The following ADGRF3 variants were observed in gnomAD, a reference collection of about 807,000 sequenced individuals.
ADGRF3 encodes adhesion G protein-coupled receptor F3, also known as G protein-coupled receptor 113.
A neutral mutation model predicts 93.2 loss-of-function variants in ADGRF3; 85 were observed. The ratio of observed to expected loss-of-function variants is 0.91; its 90% CI spans 0.77 to 1.09. ADGRF3 has a LOEUF of 1.09. Ranked by LOEUF, ADGRF3 falls within the 50% of genes least tolerant of loss-of-function variation. The probability of loss-of-function intolerance (pLI) is 0.00; values close to 1 mark genes in which losing one functional copy is unlikely to be tolerated. For missense variants in ADGRF3, 1,125 were observed against 1,246.2 expected (o/e 0.90, Z 1.46); for synonymous variants, 534 against 532.5 (o/e 1.00, Z -0.04).
rs1207688291 is a variant in ADGRF3 at position 26,309,079 on chromosome 2, G to A, written c.*7C>T. The A allele has an allele frequency of 9.3e-6, 15 of 1,614,020 alleles. No individual in the cohort carries two copies. Among genetic ancestry groups the A allele is most frequent in the African/African-American group, 1.3e-5 (1 of 75,050 alleles). ...CTCCCTTGCAGGAACATGGGTCCGT[G>A]TGTGGTTCACTCTGAAGCATCTGTC... On this transcript the variant is annotated 3_prime_UTR_variant, in exon 14 of 14. Transcript: ENST00000651242.
intron 1 of ADGRF3, among the ~76,000 whole-genome samples, chr2:26,339,872 G>C (rs924249179): frequency 1.9e-4 from 29 of 152,138 alleles, no homozygotes; most frequent in African/African-American, 7.0e-4. Context: ...GGACCCAAGA[G>C]AGCCACCAGA....
intron 1 of ADGRF3, among the ~76,000 whole-genome samples, chr2:26,344,682 A>G (rs1305278385): frequency 1.3e-5 from 2 of 152,126 alleles, no homozygotes; most frequent in Admixed American, 1.3e-4. Context: ...AATGCAAAAA[A>G]TTTAGCCGGG....
chr2:26,323,123 A>T (rs1233222841), intron 1 of ADGRF3, among the ~76,000 whole-genome samples: 1 of 152,132 alleles, frequency 6.6e-6, no homozygotes, highest in Non-Finnish European at 1.5e-5. Context: ...TGGGCAACAG[A>T]GTGAGACTCC....
intron 1 of ADGRF3, among the ~76,000 whole-genome samples, chr2:26,341,116 C>G (rs150840013): frequency 2.6e-4 from 40 of 152,274 alleles, no homozygotes; most frequent in African/African-American, 9.4e-4. Flanking sequence ...AGGTGGCTCA[C>G]GCCTGTAATC....
chr2:26,323,555 G>T (rs1412916071), intron 1 of ADGRF3, among the ~76,000 whole-genome samples: 2 of 151,818 alleles, frequency 1.3e-5, no homozygotes, highest in Non-Finnish European at 2.9e-5. Context: ...TCCCACCTCA[G>T]CCTGCCCAGG....
chr2:26,343,438 T>C (rs908851212), intron 1 of ADGRF3, among the ~76,000 whole-genome samples: 2 of 119,252 alleles, frequency 1.7e-5, no homozygotes, highest in Non-Finnish European at 3.5e-5. Flanking sequence ...TCAAATGATC[T>C]TTTTTTTTTT....
At position 26,313,326 on chromosome 2, in the gene ADGRF3, G is replaced by T. The variant is rs1159049126; in HGVS notation, c.1269+51C>A. ...GGTCTGCAAGCTGGGTCCTAGAGAGGCTAGGGTGGGCCGTGGAGGGGGCAC... is the reference window on the plus strand; with the variant it reads ...GGTCTGCAAGCTGGGTCCTAGAGAGTCTAGGGTGGGCCGTGGAGGGGGCAC... On this transcript the variant is annotated intron_variant, in intron 8 of 13. Transcript: ENST00000651242. 5 of 1,492,046 alleles carry T rather than the reference G, an allele frequency of 3.4e-6. No homozygotes were observed. The South Asian group carries it at 5.3e-5, about 16-fold the overall frequency. The allele number at this position is 1,492,046 out of a possible 1,614,324, so 92.4% of individuals were successfully genotyped here. A position where few individuals can be genotyped will look rare whatever the true frequency, so the allele number is the denominator to read the frequency against.
chr2:26,342,241 C>T (rs1173328419), intron 1 of ADGRF3, among the ~76,000 whole-genome samples: 2 of 152,150 alleles, frequency 1.3e-5, no homozygotes, highest in Non-Finnish European at 2.9e-5. Context: ...CCACTCTATA[C>T]AATTGGAACA....
chr2:26,342,100 T>G (rs1676432646), intron 1 of ADGRF3, among the ~76,000 whole-genome samples: 1 of 150,782 alleles, frequency 6.6e-6, no homozygotes, highest in Non-Finnish European at 1.5e-5. Flanking sequence ...CTTGTGATTT[T>G]TTTTTTTTAA....
intron 1 of ADGRF3, among the ~76,000 whole-genome samples, chr2:26,331,669 G>A (rs1478295628): frequency 6.6e-6 from 1 of 152,186 alleles, no homozygotes; most frequent in East Asian, 1.9e-4. Context: ...GTTTGAGGCT[G>A]CGGTGAGCTA....
At chr2:26,323,629 G>A (rs1675277058) in intron 1 of ADGRF3, among the ~76,000 whole-genome samples, 1 of 117,504 alleles carries the variant, frequency 8.5e-6, no homozygotes, top group South Asian at 2.8e-4. Context: ...CTTCTTCTGT[G>A]TTTGTTTTTT....
At position 26,309,558 on chromosome 2, in the gene ADGRF3, C is replaced by T; in HGVS notation, c.2961G>A (p.Leu987=). ...TGTCGCTTCCTCCTTTGCTGTGTTC[C>T]AAGATGCAGCCTTCATTTGTGGCCT... The part of the protein sequence containing the change: ...ISLATNEGCI[L]EHSKGGSDTA... The change falls in exon 13 of 14, where the codon TTG becomes TTA. Residue 987 remains leucine, a synonymous_variant. Transcript: ENST00000651242. 6.2e-7 allele frequency: 1 copy of T among 1,612,776 alleles called. No homozygotes were observed. The highest frequency in any genetic ancestry group is 1.1e-5 in the South Asian group (1 of 90,580).
In ADGRF3 at chr2:26,310,208, G is replaced by A; in HGVS notation, c.2862C>T (p.Leu954=). ...QGVFILLFGC[L]MDRKIQEALR... ...TGGGCAGACTTACCTTCCTGTCCATGAGGCAACCAAACAATAGGATGAAGA... is the reference window on the plus strand; with the variant it reads ...TGGGCAGACTTACCTTCCTGTCCATAAGGCAACCAAACAATAGGATGAAGA... The change falls in exon 11 of 14, where the codon CTC becomes CTT. Residue 954 remains leucine (L), a synonymous_variant. Transcript: ENST00000651242. 1.2e-6 allele frequency: 2 copies of A among 1,614,042 alleles called. No homozygotes were observed. Among genetic ancestry groups the A allele is most frequent in the South Asian group, 1.1e-5 (1 of 91,090 alleles).
intron 1 of ADGRF3, among the ~76,000 whole-genome samples, chr2:26,337,601 G>C (rs1676127130): frequency 6.6e-6 from 1 of 152,102 alleles, no homozygotes; most frequent in African/African-American, 2.4e-5. Flanking sequence ...TTTTAAAACT[G>C]CTTATTTTAA....
At chr2:26,314,646 CTA>C (rs749137000) in intron 5 of ADGRF3, 23 bp from the exon 6 acceptor site, 70 of 1,592,646 alleles carry the variant, frequency 4.4e-5, no homozygotes, top group Non-Finnish European at 5.9e-5. Context: ...GTGTGCGGCG[CTA>C]TGTGGCTCCT....
At chr2:26,309,852 G>T in intron 12 of ADGRF3, 191 bp downstream of exon 12, 1 of 1,357,262 alleles carries the variant, frequency 7.4e-7, no homozygotes, top group Non-Finnish European at 1.0e-6. Flanking sequence ...CCAGGACCCT[G>T]ATCCTGACTG....
intron 1 of ADGRF3, among the ~76,000 whole-genome samples, chr2:26,318,540 T>C (rs1674904261): frequency 6.6e-6 from 1 of 152,212 alleles, no homozygotes; most frequent in African/African-American, 2.4e-5. Context: ...CATATAGACA[T>C]AGCCATAGAT....
intron 1 of ADGRF3, among the ~76,000 whole-genome samples, chr2:26,326,554 T>C (rs1675444091): frequency 6.6e-6 from 1 of 152,132 alleles, no homozygotes. Context: ...CTTCATTTAA[T>C]GATGAAATAT....
chr2:26,332,780 AT>A (rs149262380), intron 1 of ADGRF3, among the ~76,000 whole-genome samples: 57,047 of 151,064 alleles, frequency 0.38, 12,023 homozygotes, highest in Non-Finnish European at 0.48. Flanking sequence ...CTTTATGTTA[AT>A]TTTTTTTTCT....
Sources: allele counts gnomAD v4.1 joint callset (sites outside exome capture counted in the v4.1 genomes callset), GRCh38; gene constraint gnomAD v4.1.1; transcripts MANE v1.5; gene names NCBI Gene and HGNC (gene_info 2026-07-23, HGNC 2026-07-21).